Variants in CUL2 observed in about 807,000 individuals in gnomAD.
CUL2 encodes cullin 2, also known as cullin-2.
In CUL2, 22 loss-of-function variants were observed where a neutral mutation model predicts 110.2. The ratio of observed to expected loss-of-function variants is 0.20; its 90% CI spans 0.14 to 0.28. CUL2 has a LOEUF of 0.28. Ranked by LOEUF, CUL2 falls within the 10% of genes least tolerant of loss-of-function variation. The pLI, the probability that CUL2 is intolerant of heterozygous loss-of-function variation, is 1.00. For synonymous variants in CUL2, 279 were observed against 293.2 expected (o/e 0.95, Z 0.49); for missense variants, 631 against 905.5 (o/e 0.70, Z 3.89).
chr10:35,021,236 A>G (rs568395698), intron 17 of CUL2, among the ~76,000 whole-genome samples: 94 of 151,002 alleles, frequency 6.2e-4, no homozygotes, highest in African/African-American at 2.0e-3. Context: ...GTTAATCTGC[A>G]GCATGTTTTC....
intron 1 of CUL2, among the ~76,000 whole-genome samples, chr10:35,117,229 C>T (rs966523951): frequency 6.6e-6 from 1 of 152,114 alleles, no homozygotes; most frequent in Non-Finnish European, 1.5e-5. Flanking sequence ...AGAAGAATTG[C>T]GGAATTCACG....
Position 35,028,620 on chromosome 10 carries a change from T to C in CUL2, c.1617+190A>G, listed in dbSNP as rs373208151. Among the ~76,000 whole-genome samples the C allele has an allele frequency of 1.8e-4, 27 of 152,318 alleles. No homozygotes were observed. In the East Asian group the frequency reaches 5.2e-3, roughly 29 times the overall value. ...ACAAAGAACTGTATGACATTCTTCT[T>C]AGCATTTTAGTATCAATATTAGTAA... On this transcript the variant is annotated intron_variant, in intron 16 of 20. Transcript: ENST00000374749.
chr10:35,101,436 A>C (rs2087376155), intron 1 of CUL2, among the ~76,000 whole-genome samples: 1 of 152,232 alleles, frequency 6.6e-6, no homozygotes, highest in African/African-American at 2.4e-5. Flanking sequence ...TCACCAGATT[A>C]ACTCACATCA....
intron 19 of CUL2, 83 bp from the exon 20 acceptor site, chr10:35,012,047 C>G: frequency 1.4e-6 from 1 of 706,060 alleles, no homozygotes; most frequent in Non-Finnish European, 2.3e-6. Context: ...TCAGTGAGTG[C>G]AAATACTTTT....
upstream of CUL2, among the ~76,000 whole-genome samples, chr10:35,093,677 A>G (rs1054206881): frequency 6.7e-3 from 1,004 of 149,404 alleles, 5 homozygotes; most frequent in African/African-American, 0.018. Context: ...AAAAAAAAAA[A>G]AAAAGAAAAG....
intron 1 of CUL2, among the ~76,000 whole-genome samples, chr10:35,089,538 A>G: frequency 6.6e-6 from 1 of 152,220 alleles, no homozygotes; most frequent in Non-Finnish European, 1.5e-5. Context: ...AACTGTTAAT[A>G]TTAATCCATG....
chr10:35,124,968 A>G (rs2087725777), intron 1 of CUL2, among the ~76,000 whole-genome samples: 1 of 152,216 alleles, frequency 6.6e-6, no homozygotes, highest in Non-Finnish European at 1.5e-5. Flanking sequence ...CTAGGTGAGG[A>G]GCCCCAAAAG....
intron 3 of CUL2, among the ~76,000 whole-genome samples, chr10:35,061,667 A>G (rs1252626576): frequency 6.6e-6 from 1 of 152,136 alleles, no homozygotes; most frequent in Non-Finnish European, 1.5e-5. Flanking sequence ...AAATGATCAC[A>G]TTAGAACACT....
intron 1 of CUL2, among the ~76,000 whole-genome samples, chr10:35,102,924 G>A (rs1028837886): frequency 6.6e-6 from 1 of 151,838 alleles, no homozygotes; most frequent in Non-Finnish European, 1.5e-5. Flanking sequence ...CAACCTAGGT[G>A]ACAATGTTAG....
At chr10:35,023,466 G>A (rs986569349) in intron 17 of CUL2, among the ~76,000 whole-genome samples, 4 of 152,148 alleles carry the variant, frequency 2.6e-5, no homozygotes, top group African/African-American at 9.7e-5. Context: ...TAGAAATTTA[G>A]TATAGCTCAA....
Position 35,099,346 on chromosome 10 carries a change from G to A in CUL2, c.167+1498C>T, listed in dbSNP as rs1003697838. Among the ~76,000 whole-genome samples, 4 of 147,898 alleles carry A rather than the reference G, an allele frequency of 2.7e-5. No individual in the cohort carries two copies. In the South Asian group the frequency reaches 8.5e-4, roughly 31 times the overall value. ...GCGGAGATTGCAGTGAGCCTTGATA[G>A]CATGGCTGCACTCCAGCCTGGCGAC... On this transcript the variant is annotated intron_variant, in intron 2 of 5. Coordinates refer to the CUL2 transcript ENST00000685421.
At chr10:35,095,565 A>G (rs1029557329), upstream of CUL2, among the ~76,000 whole-genome samples, 9 of 151,828 alleles carry the variant, frequency 5.9e-5, no homozygotes, top group Non-Finnish European at 1.2e-4. Flanking sequence ...GTGTGTGTGT[A>G]TATATATTTT....
chr10:35,016,382 A>G lies in CUL2; in HGVS notation c.1697T>C (p.Met566Thr). The change falls in exon 18 of 21, where the codon ATG becomes ACG. Residue 566 changes from methionine to threonine, a missense_variant. Physicochemically the swap from Met to Thr is moderately conservative, Grantham distance 81. Transcript: ENST00000374749. ...TACATATGGTTTGCCCAAATAGTTC[A>G]TTTTAACTTCACCTACAATTAAAAC... Reference protein sequence around the residue: ...LHYLCTGEVKMNYLGKPYVAM... With the variant: ...LHYLCTGEVKTNYLGKPYVAM... 6.2e-7 allele frequency: 1 copy of G among 1,603,388 alleles called. No individual in the cohort carries two copies. The highest frequency in any genetic ancestry group is 8.5e-7 in the Non-Finnish European group (1 of 1,172,760).
intron 1 of CUL2, among the ~76,000 whole-genome samples, chr10:35,119,070 A>T (rs1206329750): frequency 6.6e-6 from 1 of 152,172 alleles, no homozygotes; most frequent in Non-Finnish European, 1.5e-5. Context: ...ATGTTTTCCA[A>T]TGCTCCTTGC....
upstream of CUL2, among the ~76,000 whole-genome samples, chr10:35,095,322 C>CAA (rs528275472): frequency 5.8e-5 from 6 of 102,918 alleles, no homozygotes; most frequent in African/African-American, 1.7e-4. Flanking sequence ...GACTCCATCT[C>CAA]AAAAAAAAAA....
intron 5 of CUL2, among the ~76,000 whole-genome samples, chr10:35,051,557 G>A (rs1325299679): frequency 6.6e-6 from 1 of 152,226 alleles, no homozygotes; most frequent in African/African-American, 2.4e-5. Context: ...AGCCTGCAGT[G>A]AGCCGAGATC....
chr10:35,029,666 T>A (rs1329029607), intron 14 of CUL2, 26 bp from the exon 15 acceptor site: 1 of 1,538,096 alleles, frequency 6.5e-7, no homozygotes. Context: ...AGAAAATACA[T>A]GAATTCAAAA....
In CUL2 at chr10:35,011,474, C is replaced by T. The variant is rs574265754; in HGVS notation, c.2106+374G>A. On this transcript the variant is annotated intron_variant, in intron 20 of 20. Transcript: ENST00000374749. ...CTCTACGAAAAATACAAAAATTAGC[C>T]AAGTATGGTGGTGCACGCCTGTATT... 1.5e-3 allele frequency among the ~76,000 whole-genome samples: 229 copies of T among 151,926 alleles called. 1 individual carries two copies. The highest frequency in any genetic ancestry group is 2.6e-3 in the Non-Finnish European group (180 of 67,988).
At chr10:35,055,486 G>C (rs537370354) in intron 4 of CUL2, among the ~76,000 whole-genome samples, 11 of 152,312 alleles carry the variant, frequency 7.2e-5, no homozygotes, top group African/African-American at 2.4e-4. Flanking sequence ...TAATCCCAGT[G>C]CTTTGGGAGG....
Sources: allele counts gnomAD v4.1 joint callset (sites outside exome capture counted in the v4.1 genomes callset), GRCh38; gene constraint gnomAD v4.1.1; transcripts MANE v1.5; gene names NCBI Gene and HGNC (gene_info 2026-07-23, HGNC 2026-07-21).